Variants in ENTPD4 observed in about 807,000 individuals in gnomAD.
The protein encoded by ENTPD4 is Golgi UDPase.
A neutral mutation model predicts 79.1 loss-of-function variants in ENTPD4; 60 were observed. That is an observed-to-expected ratio of 0.76 (90% confidence interval 0.62 to 0.94). The LOEUF is 0.94. ENTPD4 is among the 40% of genes least tolerant of loss of function. The pLI, the probability that ENTPD4 is intolerant of heterozygous loss-of-function variation, is 0.00. For missense variants in ENTPD4, 772 were observed against 775.1 expected, an observed-to-expected ratio of 1.00 and a Z score of 0.05; for synonymous variants, 276 against 292.0, an observed-to-expected ratio of 0.95 and a Z score of 0.56.
At chr8:23,438,897 C>A (rs1800616570) in intron 9 of ENTPD4, among the ~76,000 whole-genome samples, 1 of 152,054 alleles carries the variant, frequency 6.6e-6, no homozygotes, top group South Asian at 2.1e-4. Context: ...CAAGTTCAGG[C>A]CTTCACAGGT....
Position 23,448,890 on chromosome 8 carries a change from G to C in ENTPD4, c.58C>G (p.Pro20Ala). 6.2e-7 allele frequency: 1 copy of C among 1,614,060 alleles called. No individual in the cohort carries two copies. Among genetic ancestry groups the C allele is most frequent in the African/African-American group, 1.3e-5 (1 of 75,056 alleles). Reference protein sequence around the residue: ...FPASWHFSISPVGCPRILNTN... With the variant: ...FPASWHFSISAVGCPRILNTN... ...TTCAGAATTCGAGGACACCCTACTG[G>C]AGATATGCTAAAATGCCAAGAAGCA... is the stretch of plus-strand genomic sequence containing the variant. The change falls in exon 3 of 13, where the codon CCA becomes GCA. Residue 20 changes from proline to alanine, a missense_variant. Coordinates refer to ENST00000358689, the MANE Select transcript of ENTPD4 (RefSeq NM_004901.5).
chr8:23,456,346 C>T (rs962021161), intron 1 of ENTPD4, among the ~76,000 whole-genome samples: 11 of 152,242 alleles, frequency 7.2e-5, no homozygotes, highest in African/African-American at 2.7e-4. Flanking sequence ...TTTCAAGGCA[C>T]AAGTCAACAT....
intron 12 of ENTPD4, 98 bp from the exon 13 acceptor site, chr8:23,433,252 C>A: frequency 1.0e-6 from 1 of 987,744 alleles, no homozygotes; most frequent in Non-Finnish European, 1.5e-6. Context: ...CCCAGAGCTG[C>A]ACTTTAGGAA....
At position 23,430,962 on chromosome 8, in the gene ENTPD4, G is replaced by A. The variant is rs1277398196; in HGVS notation, c.*1964C>T. On this transcript the variant is annotated 3_prime_UTR_variant, in exon 13 of 13. Coordinates refer to ENST00000358689, the MANE Select transcript of ENTPD4 (RefSeq NM_004901.5). ...GACCACGAAGCGCAAATACGATGCA[G>A]GTAAATCCAGAGGCAGAGCCTGGGT... 1 of 985,296 alleles carries A rather than the reference G, an allele frequency of 1.0e-6. No homozygotes were observed. Among genetic ancestry groups the A allele is most frequent in the African/African-American group, 1.7e-5 (1 of 57,232 alleles). 61.0% of individuals were successfully genotyped at this position (985,296 alleles called of 1,614,324 possible).
At chr8:23,440,814 AAAG>A (rs1370244957) in intron 8 of ENTPD4, among the ~76,000 whole-genome samples, 1 of 152,194 alleles carries the variant, frequency 6.6e-6, no homozygotes, top group Non-Finnish European at 1.5e-5. Flanking sequence ...AAACCAGCTT[AAAG>A]AAGGTACATG....
chr8:23,437,370 G>A, intron 9 of ENTPD4, 112 bp from the exon 10 acceptor site: 1 of 737,434 alleles, frequency 1.4e-6, no homozygotes, highest in Non-Finnish European at 2.2e-6. Context: ...GAGACCTGCA[G>A]GACCGTGTCT....
rs377117328 is a variant in ENTPD4 at position 23,448,968 on chromosome 8, G to A, written c.9-29C>T. Reference sequence around the variant, plus strand: ...AAATTAGAAGGAAAAAGATTTTAAAGCAATCTGCTCCAATGAGGCTTCCTT... The same window carrying A: ...AAATTAGAAGGAAAAAGATTTTAAAACAATCTGCTCCAATGAGGCTTCCTT... On this transcript the variant is annotated intron_variant, in intron 2 of 12. Transcript: ENST00000358689. The A allele has an allele frequency of 1.1e-5, 18 of 1,575,288 alleles. No homozygotes were observed. In the South Asian group the frequency reaches 1.4e-4, roughly 13 times the overall value.
chr8:23,439,858 T>C lies in ENTPD4; in HGVS notation c.940A>G (p.Thr314Ala). The change falls in exon 9 of 13, where the codon ACT (threonine) becomes GCT (alanine). Residue 314 changes from threonine (T) to alanine (A), a missense_variant. By Grantham distance (58) the Thr-to-Ala change is moderately conservative. Coordinates refer to ENST00000358689, the MANE Select transcript of ENTPD4 (RefSeq NM_004901.5). ...EFNLGCDVHQ[T>A]EHVYRVYVAT... ...ACATAGACTCGATACACATGCTCAG[T>C]TTGGTGAACATCACATCCCAAGTTA... 1.2e-6 allele frequency: 2 copies of C among 1,614,090 alleles called. No homozygotes were observed. The highest frequency in any genetic ancestry group is 1.7e-6 in the Non-Finnish European group (2 of 1,179,936).
chr8:23,444,234 C>G (rs1800723801), intron 5 of ENTPD4, among the ~76,000 whole-genome samples: 1 of 152,194 alleles, frequency 6.6e-6, no homozygotes, highest in Admixed American at 6.5e-5. Context: ...AAAAATGACA[C>G]CTTTACCGTT....
rs148672547 is a variant in ENTPD4, at chr8:23,441,870, G to A, written c.727+137C>T. 1.0e-3 allele frequency: 1,141 copies of A among 1,115,374 alleles called. 11 individuals are homozygous for A. The African/African-American group carries it at 0.016, about 15-fold the overall frequency. 69.1% of individuals were successfully genotyped at this position (1,115,374 alleles called of 1,614,324 possible). On this transcript the variant is annotated intron_variant, in intron 7 of 12. Coordinates refer to ENST00000358689, the MANE Select transcript of ENTPD4 (RefSeq NM_004901.5). Reference sequence around the variant, plus strand: ...CCCAACTAAAATCAAGTTGAATTACGTTCAACTGCAGCTGCTCTCATTCTA... The same window carrying A: ...CCCAACTAAAATCAAGTTGAATTACATTCAACTGCAGCTGCTCTCATTCTA...
At chr8:23,438,321 C>T (rs1800607624) in intron 9 of ENTPD4, among the ~76,000 whole-genome samples, 1 of 152,224 alleles carries the variant, frequency 6.6e-6, no homozygotes, top group South Asian at 2.1e-4. Flanking sequence ...TTTCACTCAA[C>T]TCACAAGTTG....
chr8:23,449,470 TTGAG>T (rs1251181801), intron 2 of ENTPD4, among the ~76,000 whole-genome samples: 3 of 152,118 alleles, frequency 2.0e-5, no homozygotes, highest in African/African-American at 7.2e-5. Flanking sequence ...CCCAGATGAC[TTGAG>T]TAATGGGAGA....
At position 23,437,198 on chromosome 8, in the gene ENTPD4, G is replaced by C; in HGVS notation, c.1110C>G (p.Pro370=). The C allele has an allele frequency of 1.2e-6, 2 of 1,614,126 alleles. No individual in the cohort carries two copies. The highest frequency in any genetic ancestry group is 2.2e-5 in the East Asian group (1 of 44,886). ...GCTGGATTTCATCTTTAATGTCTAG[G>C]GGTAGGCAGGGGTCCAAGTACGGCA... ...PDMPYLDPCL[P]LDIKDEIQQN... is the part of the protein sequence containing the mutation. The change falls in exon 10 of 13, where the codon CCC becomes CCG. Residue 370 remains proline, a synonymous_variant. Transcript: ENST00000358689.
At chr8:23,434,281 T>G (rs746260955) in intron 12 of ENTPD4, 36 bp downstream of exon 12, 60 of 1,606,070 alleles carry the variant, frequency 3.7e-5, no homozygotes, top group Non-Finnish European at 4.9e-5. Context: ...CAGAAAAGCA[T>G]CTTTTTGATT....
intron 1 of ENTPD4, among the ~76,000 whole-genome samples, chr8:23,455,315 G>T (rs1337696539): frequency 6.6e-6 from 1 of 152,236 alleles, no homozygotes; most frequent in Non-Finnish European, 1.5e-5. Context: ...GTACCACAGG[G>T]AAGGGTACTT....
At chr8:23,450,100 G>A in intron 1 of ENTPD4, 103 bp from the exon 2 acceptor site, 1 of 636,012 alleles carries the variant, frequency 1.6e-6, no homozygotes, top group Non-Finnish European at 2.8e-6. Context: ...ATCTATACAT[G>A]ATCCTTGCAC....
Position 23,431,397 on chromosome 8 carries a change from C to G in ENTPD4, c.*1529G>C. 1.0e-6 allele frequency: 1 copy of G among 985,384 alleles called. No individual in the cohort carries two copies. The highest frequency in any genetic ancestry group is 5.2e-4 in the Middle Eastern group (1 of 1,914). 61.0% of individuals were successfully genotyped at this position (985,384 alleles called of 1,614,324 possible). A position where few individuals can be genotyped will look rare whatever the true frequency, so the allele number is the denominator to read the frequency against. ...ACAGACACTCGCACAAAACAAACTC[C>G]ACCTAAAAAAACTGTACGAGAATTC... On this transcript the variant is annotated 3_prime_UTR_variant, in exon 13 of 13. Transcript: ENST00000358689.
intron 2 of ENTPD4, 27 bp downstream of exon 2, chr8:23,449,866 T>A: frequency 6.3e-7 from 1 of 1,594,900 alleles, no homozygotes; most frequent in East Asian, 2.2e-5. Context: ...GATTTCATGT[T>A]TCATGGTGAT....
Position 23,430,334 on chromosome 8 carries a change from T to A in ENTPD4, c.*2592A>T. 2.0e-6 allele frequency: 2 copies of A among 985,472 alleles called. No individual in the cohort carries two copies. The highest frequency in any genetic ancestry group is 2.4e-6 in the Non-Finnish European group (2 of 829,942). The allele number at this position is 985,472 out of a possible 1,614,324, so 61.0% of individuals were successfully genotyped here. A position where few individuals can be genotyped will look rare whatever the true frequency, so the allele number is the denominator to read the frequency against. ...TTCAAAACTCATCTTGAAAATAATC[T>A]AGACGGAAAAATCCGAAGTGAAATT... On this transcript the variant is annotated 3_prime_UTR_variant, in exon 13 of 13. Coordinates refer to ENST00000358689, the MANE Select transcript of ENTPD4 (RefSeq NM_004901.5).
Sources: allele counts gnomAD v4.1 joint callset (sites outside exome capture counted in the v4.1 genomes callset), GRCh38; gene constraint gnomAD v4.1.1; transcripts MANE v1.5; gene names NCBI Gene and HGNC (gene_info 2026-07-23, HGNC 2026-07-21).